Variants in CRPPA observed in about 807,000 individuals in gnomAD.
The protein encoded by CRPPA is CDP-L-ribitol pyrophosphorylase A.
A neutral mutation model predicts 52.0 loss-of-function variants in CRPPA; 43 were observed. That is an observed-to-expected ratio of 0.83 (90% CI 0.65 to 1.07). The LOEUF (loss-of-function observed/expected upper bound fraction) is 1.07, where lower values mean the gene tolerates loss of function less well. CRPPA is among the 50% of genes least tolerant of loss of function. CRPPA has a pLI of 0.00. For missense variants in CRPPA, 629 were observed against 551.7 expected (o/e 1.14, Z -1.40); for synonymous variants, 250 against 203.5 (o/e 1.23, Z -1.94).
intron 8 of CRPPA, among the ~76,000 whole-genome samples, chr7:16,218,072 A>T (rs917705008): frequency 6.6e-6 from 1 of 152,170 alleles, no homozygotes; most frequent in South Asian, 2.1e-4. Flanking sequence ...AGGGAAGCCC[A>T]TCAGACTAAC....
At chr7:16,376,674 C>A (rs544118497) in intron 2 of CRPPA, among the ~76,000 whole-genome samples, 1 of 152,182 alleles carries the variant, frequency 6.6e-6, no homozygotes, top group East Asian at 1.9e-4. Context: ...CTCCAAGATC[C>A]CCTAGATGAG....
intron 2 of CRPPA, among the ~76,000 whole-genome samples, chr7:16,387,090 C>CATATATATATATATAT (rs1463920056): frequency 0.034 from 1,461 of 43,110 alleles, 58 homozygotes; most frequent in African/African-American, 0.13. Flanking sequence ...TATATATACA[C>CATATATATATATATAT]ACATATATAT....
At chr7:16,094,634 AT>A (rs1263506736) in intron 9 of CRPPA, among the ~76,000 whole-genome samples, 1 of 152,026 alleles carries the variant, frequency 6.6e-6, no homozygotes, top group African/African-American at 2.4e-5. Context: ...ATATTATATA[AT>A]AAACATTTAA....
intron 3 of CRPPA, among the ~76,000 whole-genome samples, chr7:16,372,374 A>C (rs886679233): frequency 6.6e-6 from 1 of 152,220 alleles, no homozygotes; most frequent in African/African-American, 2.4e-5. Context: ...TACATGCCAG[A>C]GGGATTGGGG....
intron 5 of CRPPA, 72 bp downstream of exon 5, chr7:16,301,349 C>A (rs1371263105): frequency 8.8e-6 from 11 of 1,246,872 alleles, no homozygotes. Flanking sequence ...GGGATTTAAA[C>A]TGTCATGAGA....
intron 2 of CRPPA, among the ~76,000 whole-genome samples, chr7:16,378,677 A>G (rs1438673860): frequency 6.6e-6 from 1 of 150,598 alleles, no homozygotes; most frequent in African/African-American, 2.4e-5. Context: ...ATCCCTGAGG[A>G]ATCGCCACAC....
chr7:16,236,684 C>T (rs2128404743), intron 8 of CRPPA, among the ~76,000 whole-genome samples: 1 of 152,234 alleles, frequency 6.6e-6, no homozygotes, highest in Non-Finnish European at 1.5e-5. Flanking sequence ...TTACCATCTT[C>T]CTGTCTGCCA....
intron 3 of CRPPA, among the ~76,000 whole-genome samples, chr7:16,355,399 C>T (rs772295603): frequency 3.9e-5 from 6 of 152,198 alleles, no homozygotes; most frequent in Non-Finnish European, 7.3e-5. Flanking sequence ...ACCGCTACAA[C>T]TCATCATGTA....
chr7:16,363,396 T>G (rs1170092926), intron 3 of CRPPA, among the ~76,000 whole-genome samples: 1 of 152,176 alleles, frequency 6.6e-6, no homozygotes, highest in Non-Finnish European at 1.5e-5. Flanking sequence ...GTCTGAAACA[T>G]TGCAGCTAGC....
intron 3 of CRPPA, among the ~76,000 whole-genome samples, chr7:16,326,826 C>T (rs1395931189): frequency 6.6e-6 from 1 of 152,100 alleles, no homozygotes; most frequent in Non-Finnish European, 1.5e-5. Flanking sequence ...GTACAACAAA[C>T]TTCCTTCCCT....
intron 2 of CRPPA, among the ~76,000 whole-genome samples, chr7:16,378,775 G>A (rs1243227354): frequency 6.6e-6 from 1 of 151,968 alleles, no homozygotes; most frequent in African/African-American, 2.4e-5. Flanking sequence ...AGCACCTGTT[G>A]TTTCCTGACT....
chr7:16,230,966 C>G (rs1782777443), intron 8 of CRPPA, among the ~76,000 whole-genome samples: 1 of 152,134 alleles, frequency 6.6e-6, no homozygotes, highest in Non-Finnish European at 1.5e-5. Context: ...CCAAGAAAGA[C>G]TGAAGCCTGG....
At position 16,152,007 on chromosome 7, in the gene CRPPA, T is replaced by G. The variant is rs1312758760; in HGVS notation, c.1252-60208A>C. ...GTTGAACAACATATTCTTCAAACAT[T>G]TGAGATTCTGAAGAAACTCAGAATG... On this transcript the variant is annotated intron_variant, in intron 9 of 9. Coordinates refer to ENST00000407010, the MANE Select transcript of CRPPA (RefSeq NM_001101426.4). 3.3e-5 allele frequency among the ~76,000 whole-genome samples: 5 copies of G among 152,102 alleles called. No homozygotes were observed. In the South Asian group the frequency reaches 1.0e-3, roughly 32 times the overall value.
chr7:16,096,018 C>G (rs1781928759), intron 9 of CRPPA, among the ~76,000 whole-genome samples: 1 of 152,098 alleles, frequency 6.6e-6, no homozygotes, highest in Non-Finnish European at 1.5e-5. Context: ...CCTTGGTGAA[C>G]ACCCATGGCT....
intron 3 of CRPPA, among the ~76,000 whole-genome samples, chr7:16,358,075 G>C (rs1011054682): frequency 6.6e-6 from 1 of 152,200 alleles, no homozygotes; most frequent in Non-Finnish European, 1.5e-5. Context: ...CATAGGCCAG[G>C]ACTGGCATGC....
intron 9 of CRPPA, among the ~76,000 whole-genome samples, chr7:16,199,157 C>T (rs1040673584): frequency 1.4e-4 from 22 of 152,272 alleles, no homozygotes; most frequent in African/African-American, 5.3e-4. Flanking sequence ...AGGGGTCTAA[C>T]TGGACCAGTG....
chr7:16,346,056 A>C (rs531968817), intron 3 of CRPPA, among the ~76,000 whole-genome samples: 10 of 152,300 alleles, frequency 6.6e-5, no homozygotes, highest in African/African-American at 2.4e-4. Context: ...TGGAAAAGAT[A>C]ATTTTATCTC....
At chr7:16,198,703 G>A (rs1781788285) in intron 9 of CRPPA, among the ~76,000 whole-genome samples, 1 of 148,246 alleles carries the variant, frequency 6.7e-6, no homozygotes. Context: ...TGACCGGTAT[G>A]CACTCCCATA....
intron 3 of CRPPA, among the ~76,000 whole-genome samples, chr7:16,369,457 C>T (rs2128310851): frequency 6.6e-6 from 1 of 152,292 alleles, no homozygotes; most frequent in African/African-American, 2.4e-5. Context: ...GGGCCTGGCA[C>T]CAGGCTGCCT....
Sources: allele counts gnomAD v4.1 joint callset (sites outside exome capture counted in the v4.1 genomes callset), GRCh38; gene constraint gnomAD v4.1.1; transcripts MANE v1.5; gene names NCBI Gene and HGNC (gene_info 2026-07-23, HGNC 2026-07-21).